The following ANO3 variants were observed in gnomAD, a reference collection of about 807,000 sequenced individuals.
ANO3 encodes anoctamin 3.
ANO3 carries 99 observed loss-of-function variants against 144.8 expected under a neutral mutation model. The ratio of observed to expected loss-of-function variants is 0.68; its 90% CI spans 0.58 to 0.81. The LOEUF (loss-of-function observed/expected upper bound fraction) is 0.81. ANO3 is among the 30% of genes least tolerant of loss of function. The pLI, the probability that ANO3 is intolerant of heterozygous loss-of-function variation, is 0.00. For synonymous variants in ANO3, 414 were observed against 392.6 expected (o/e 1.05, Z -0.64); for missense variants, 905 against 1,202.2 (o/e 0.75, Z 3.66).
chr11:26,525,538 G>T (rs1168528863), intron 6 of ANO3, 97 bp from the exon 7 acceptor site: 5 of 901,520 alleles, frequency 5.5e-6, no homozygotes, highest in Non-Finnish European at 8.8e-6. Flanking sequence ...ACGGAACTTG[G>T]AGTATAGAAA....
chr11:26,337,568 A>G (rs1439712017), intron 1 of ANO3, among the ~76,000 whole-genome samples: 1 of 152,218 alleles, frequency 6.6e-6, no homozygotes, highest in Non-Finnish European at 1.5e-5. Context: ...CCAATTTATC[A>G]AAAGATAATT....
intron 1 of ANO3, among the ~76,000 whole-genome samples, chr11:26,271,204 G>C (rs934507013): frequency 6.6e-6 from 1 of 152,228 alleles, no homozygotes; most frequent in African/African-American, 2.4e-5. Context: ...TGCTGTTTTA[G>C]TGATTCCAGT....
At chr11:26,338,485 A>G (rs369693990) in intron 1 of ANO3, among the ~76,000 whole-genome samples, 2 of 132,288 alleles carry the variant, frequency 1.5e-5, no homozygotes, top group Non-Finnish European at 3.6e-5. Context: ...AGAATGTGGG[A>G]GGGGCCAAAT....
chr11:26,659,953 CG>C (rs1853827471), intron 26 of ANO3, among the ~76,000 whole-genome samples: 1 of 151,968 alleles, frequency 6.6e-6, no homozygotes, highest in Non-Finnish European at 1.5e-5. Flanking sequence ...CAATTCATGT[CG>C]TAATAATATT....
intron 14 of ANO3, among the ~76,000 whole-genome samples, chr11:26,569,918 T>A (rs293972): frequency 0.74 from 112,751 of 151,688 alleles, 42,939 homozygotes; most frequent in East Asian, 0.9. Flanking sequence ...AACCCAGTAA[T>A]GATTTCACCT....
At chr11:26,244,116 GAAAA>G (rs755726181) in intron 1 of ANO3, among the ~76,000 whole-genome samples, 2 of 94,688 alleles carry the variant, frequency 2.1e-5, no homozygotes, top group Admixed American at 1.2e-4. Flanking sequence ...GACTCTGTCT[GAAAA>G]AAAAAAAAAA....
chr11:26,422,270 C>G (rs1057396421), intron 1 of ANO3, among the ~76,000 whole-genome samples: 1 of 151,966 alleles, frequency 6.6e-6, no homozygotes, highest in Non-Finnish European at 1.5e-5. Flanking sequence ...TTTCAATTTT[C>G]TCTTTGAAGT....
chr11:26,281,137 A>T (rs571992284), intron 1 of ANO3, among the ~76,000 whole-genome samples: 2 of 152,242 alleles, frequency 1.3e-5, no homozygotes, highest in Non-Finnish European at 2.9e-5. Context: ...TAACATTAAT[A>T]TCTTTACTTT....
chr11:26,255,611 T>TA (rs1273822546), intron 1 of ANO3, among the ~76,000 whole-genome samples: 1 of 152,062 alleles, frequency 6.6e-6, no homozygotes, highest in Non-Finnish European at 1.5e-5. Context: ...ACAGGTGAGA[T>TA]AAAAAAGATG....
chr11:26,634,571 A>G (rs987635801), intron 19 of ANO3, among the ~76,000 whole-genome samples: 1 of 152,182 alleles, frequency 6.6e-6, no homozygotes, highest in African/African-American at 2.4e-5. Flanking sequence ...TCTTCTACCT[A>G]TCATCTTAAC....
rs1364611529 is a variant in ANO3, at chr11:26,289,933, C to T, written c.155-19712C>T. Among the ~76,000 whole-genome samples, 4 of 151,856 alleles carry T rather than the reference C, an allele frequency of 2.6e-5. No individual in the cohort carries two copies. In the East Asian group the frequency reaches 7.8e-4, roughly 30 times the overall value. On this transcript the variant is annotated intron_variant, in intron 1 of 27. Transcript: ENST00000672621. ...TTTGGTGTCAGGATGATGCTGGCCT[C>T]ATAAAATGAGTTAGGGAGGATTCCC...
At chr11:26,363,529 A>G (rs1855982742) in intron 1 of ANO3, among the ~76,000 whole-genome samples, 2 of 152,086 alleles carry the variant, frequency 1.3e-5, no homozygotes, top group Admixed American at 6.6e-5. Flanking sequence ...TCAGGACACC[A>G]GTCATGCTGG....
At chr11:26,340,924 A>C (rs1855340249) in intron 1 of ANO3, among the ~76,000 whole-genome samples, 1 of 152,118 alleles carries the variant, frequency 6.6e-6, no homozygotes, top group Admixed American at 6.5e-5. Context: ...GAGTTATTAG[A>C]CTTGTAGGGG....
At chr11:26,628,988 G>C (rs190597228) in intron 18 of ANO3, among the ~76,000 whole-genome samples, 1 of 152,152 alleles carries the variant, frequency 6.6e-6, no homozygotes, top group East Asian at 1.9e-4. Context: ...TCCAGCTTCT[G>C]CTTGCATTTT....
intron 3 of ANO3, among the ~76,000 whole-genome samples, chr11:26,456,266 C>T (rs1220159933): frequency 6.6e-6 from 1 of 152,174 alleles, no homozygotes; most frequent in African/African-American, 2.4e-5. Flanking sequence ...GCAAAAGAAA[C>T]TACCATCAGA....
intron 11 of ANO3, among the ~76,000 whole-genome samples, 193 bp downstream of exon 11, chr11:26,542,261 C>T (rs926731258): frequency 6.6e-6 from 1 of 152,076 alleles, no homozygotes; most frequent in Non-Finnish European, 1.5e-5. Context: ...AGAAATCAAA[C>T]AGGCTTTGCA....
intron 4 of ANO3, among the ~76,000 whole-genome samples, chr11:26,477,729 G>A (rs191608992): frequency 3.3e-5 from 5 of 152,166 alleles, no homozygotes; most frequent in African/African-American, 9.6e-5. Flanking sequence ...AGAATATTAG[G>A]GAAACATTGG....
chr11:26,298,671 A>G (rs530257104), intron 1 of ANO3, among the ~76,000 whole-genome samples: 1 of 152,352 alleles, frequency 6.6e-6, no homozygotes, highest in East Asian at 1.9e-4. Context: ...TTCCAAACCT[A>G]AATCTACTAT....
intron 1 of ANO3, among the ~76,000 whole-genome samples, chr11:26,419,393 T>C (rs925807738): frequency 2.6e-5 from 4 of 152,148 alleles, no homozygotes; most frequent in African/African-American, 9.7e-5. Flanking sequence ...TTTTCACGTC[T>C]ATTGGGTCAG....
Sources: gnomAD v4.1 joint callset for allele counts (sites outside exome capture counted in the v4.1 genomes callset) on GRCh38, gnomAD v4.1.1 for gene constraint, MANE v1.5 for transcripts, NCBI Gene and HGNC (gene_info 2026-07-23, HGNC 2026-07-21) for gene names.